The following CABLES1 variants were observed in gnomAD, a reference collection of about 807,000 sequenced individuals.
CABLES1 encodes CDK5 and ABL1 enzyme substrate 1.
A neutral mutation model predicts 57.8 loss-of-function variants in CABLES1; 36 were observed. The ratio of observed to expected loss-of-function variants is 0.62; its 90% CI spans 0.48 to 0.82. The LOEUF (loss-of-function observed/expected upper bound fraction) is 0.82. Ranked by LOEUF, CABLES1 falls within the 40% of genes least tolerant of loss-of-function variation. CABLES1 has a pLI of 0.00. For synonymous variants in CABLES1, 374 were observed against 363.0 expected (o/e 1.03, Z -0.35); for missense variants, 767 against 836.6 (o/e 0.92, Z 1.03).
rs2145153115 is a variant in CABLES1, at chr18:23,259,387, G to A, written c.*2020G>A. ...CGCCAGCCCAGACGTGGGGAGAGAA[G>A]CCTGAGTCCTTTCCTGTGTGATAAA... On this transcript the variant is annotated 3_prime_UTR_variant, in exon 10 of 10. Coordinates refer to ENST00000256925, the MANE Select transcript of CABLES1 (RefSeq NM_001100619.3). 6.6e-6 allele frequency: 1 copy of A among 152,294 alleles called. No individual in the cohort carries two copies. The highest frequency in any genetic ancestry group is 1.9e-4 in the East Asian group (1 of 5,186). The allele number at this position is 152,294 out of a possible 1,614,324, so 9.4% of individuals were successfully genotyped here. A position where few individuals can be genotyped will look rare whatever the true frequency, so the allele number is the denominator to read the frequency against.
intron 3 of CABLES1, among the ~76,000 whole-genome samples, chr18:23,198,822 C>T (rs1363016000): frequency 6.6e-6 from 1 of 152,226 alleles, no homozygotes; most frequent in African/African-American, 2.4e-5. Flanking sequence ...GTTTTAGCTC[C>T]ATGAGTCCCA....
rs2047070789 is a variant in CABLES1 at position 23,169,947 on chromosome 18, G to T, written c.846-18891G>T. ...GGCAGCCGGAGGGCAGGTGGCTCATGCTTGCCTGGACTTGGTGGGAGCTGT... is the reference window on the plus strand; with the variant it reads ...GGCAGCCGGAGGGCAGGTGGCTCATTCTTGCCTGGACTTGGTGGGAGCTGT... On this transcript the variant is annotated intron_variant, in intron 1 of 9. Transcript: ENST00000256925. Among the ~76,000 whole-genome samples the T allele has an allele frequency of 2.0e-5, 3 of 152,200 alleles. No individual in the cohort carries two copies. The South Asian group carries it at 6.2e-4, about 32-fold the overall frequency.
At chr18:23,218,074 T>C (rs1030272246) in intron 4 of CABLES1, among the ~76,000 whole-genome samples, 5 of 152,192 alleles carry the variant, frequency 3.3e-5, no homozygotes, top group African/African-American at 1.2e-4. Flanking sequence ...ACCCCACCGA[T>C]TAAGGGGCTA....
In CABLES1 at chr18:23,174,666, A is replaced by G. The variant is rs112799638; in HGVS notation, c.846-14172A>G. ...TTTTTGCATTTTTAGTAGAGACAGG[A>G]TTTCACCATGTTAGCCAGGATGGTG... On this transcript the variant is annotated intron_variant, in intron 1 of 9. Transcript: ENST00000256925. Among the ~76,000 whole-genome samples, 1,443 of 151,210 alleles carry G rather than the reference A, an allele frequency of 9.5e-3. 22 individuals carry two copies. Among genetic ancestry groups the G allele is most frequent in the African/African-American group, 0.033 (1,376 of 41,162 alleles).
intron 4 of CABLES1, among the ~76,000 whole-genome samples, chr18:23,229,549 CTA>C (rs1283443037): frequency 6.6e-6 from 1 of 152,218 alleles, no homozygotes; most frequent in Non-Finnish European, 1.5e-5. Flanking sequence ...TTCTCTAGCT[CTA>C]TTTCCTGGTG....
rs983332337 is a variant in CABLES1, at chr18:23,239,330, G to A, written c.1446+2085G>A. ...TCCATGCTATAGAGAATGGAATTGC[G>A]CATGGACTGCATTTTCCTGGTCGGC... On this transcript the variant is annotated intron_variant, in intron 7 of 9. Transcript: ENST00000256925. 5.9e-5 allele frequency among the ~76,000 whole-genome samples: 9 copies of A among 152,212 alleles called. 1 individual carries two copies. In the East Asian group the frequency reaches 1.5e-3, roughly 26 times the overall value.
intron 3 of CABLES1, among the ~76,000 whole-genome samples, chr18:23,208,491 G>T (rs2047380732): frequency 6.6e-6 from 1 of 152,208 alleles, no homozygotes; most frequent in African/African-American, 2.4e-5. Context: ...GAGGAGGAAG[G>T]AACGGCTGTG....
chr18:23,251,991 C>T (rs2048049417), intron 7 of CABLES1, among the ~76,000 whole-genome samples: 1 of 151,348 alleles, frequency 6.6e-6, no homozygotes, highest in Non-Finnish European at 1.5e-5. Flanking sequence ...GAAGCTGAGA[C>T]AGGAGAATCG....
intron 1 of CABLES1, among the ~76,000 whole-genome samples, chr18:23,143,887 TA>T (rs762886455): frequency 2.6e-5 from 4 of 152,226 alleles, no homozygotes; most frequent in Non-Finnish European, 5.9e-5. Context: ...CTGCCAGTCT[TA>T]AATTCCTGGT....
At chr18:23,208,711 G>C (rs1157414738) in intron 3 of CABLES1, among the ~76,000 whole-genome samples, 1 of 152,194 alleles carries the variant, frequency 6.6e-6, no homozygotes, top group Non-Finnish European at 1.5e-5. Context: ...CCTACAAGGT[G>C]CCACAAAACT....
At position 23,135,787 on chromosome 18, in the gene CABLES1, A is replaced by G. The variant is rs2046813976; in HGVS notation, c.25A>G (p.Thr9Ala). 6 of 907,838 alleles carry G rather than the reference A, an allele frequency of 6.6e-6. No homozygotes were observed. The South Asian group carries it at 3.1e-4, about 47-fold the overall frequency. The allele number at this position is 907,838 out of a possible 1,614,324, so 56.2% of individuals were successfully genotyped here. Residue 9 changes from threonine (T) to alanine (A), a missense_variant, in exon 1 of 10, where the codon ACC (threonine) becomes GCC (alanine). Around this residue, in one of 4 missense-constraint regions of CABLES1, gnomAD observed 198 missense variants for 149.7 expected, o/e 1.32. Transcript: ENST00000256925. ...AATGGCGGCGGCGGCGGCGGCCGCC[A>G]CCACGGCCGCCTGCAGCAGCGGCAG... MAAAAAAA[T>A]TAACSSGSAG...
chr18:23,225,496 T>A (rs1043551020), intron 4 of CABLES1, among the ~76,000 whole-genome samples: 2 of 152,300 alleles, frequency 1.3e-5, no homozygotes, highest in East Asian at 3.9e-4. Flanking sequence ...TTTGCTTTGA[T>A]CTTTCTTGCT....
At chr18:23,222,970 C>T (rs563882081) in intron 4 of CABLES1, among the ~76,000 whole-genome samples, 2 of 152,226 alleles carry the variant, frequency 1.3e-5, no homozygotes, top group East Asian at 1.9e-4. Flanking sequence ...TGACTCCCCC[C>T]GCATTAGCCT....
chr18:23,251,585 A>G (rs2048039369), intron 7 of CABLES1, among the ~76,000 whole-genome samples: 1 of 152,242 alleles, frequency 6.6e-6, no homozygotes, highest in Admixed American at 6.5e-5. Context: ...TTCACAGTGC[A>G]GGGTACAGAG....
At chr18:23,164,048 A>G (rs1299541816) in intron 1 of CABLES1, among the ~76,000 whole-genome samples, 3 of 152,140 alleles carry the variant, frequency 2.0e-5, no homozygotes, top group Non-Finnish European at 4.4e-5. Context: ...CAGGTTCCTA[A>G]CTACTGTGCC....
At chr18:23,218,018 C>T (rs1357744731) in intron 4 of CABLES1, among the ~76,000 whole-genome samples, 1 of 152,236 alleles carries the variant, frequency 6.6e-6, no homozygotes, top group Non-Finnish European at 1.5e-5. Flanking sequence ...CACATGGACC[C>T]AGCCACATGG....
chr18:23,136,353 C>G lies in CABLES1; in HGVS notation c.591C>G (p.Leu197=), dbSNP rs781756107. ...CCGCCTGTGCCCAACTGCAGCTGCT[C>G]GACGGGTCCGGGGCCGCCGGGCAGG... The part of the protein sequence containing the change: ...PLAACAQLQL[L]DGSGAAGQEE... Residue 197 remains leucine (L), a synonymous_variant, in exon 1 of 10, where the codon CTC becomes CTG. Coordinates refer to ENST00000256925, the MANE Select transcript of CABLES1 (RefSeq NM_001100619.3). 1 of 1,481,752 alleles carries G rather than the reference C, an allele frequency of 6.7e-7. No individual in the cohort carries two copies. The highest frequency in any genetic ancestry group is 1.5e-5 in the African/African-American group (1 of 68,574). 91.8% of individuals were successfully genotyped at this position (1,481,752 alleles called of 1,614,324 possible). A position where few individuals can be genotyped will look rare whatever the true frequency, so the allele number is the denominator to read the frequency against.
chr18:23,162,168 A>G (rs1395755476), intron 1 of CABLES1, among the ~76,000 whole-genome samples: 1 of 54,024 alleles, frequency 1.9e-5, no homozygotes, highest in Non-Finnish European at 3.6e-5. Context: ...CCTGTCTCAA[A>G]AAAAAAACAA....
At position 23,169,920 on chromosome 18, in the gene CABLES1, T is replaced by C. The variant is rs566494567; in HGVS notation, c.846-18918T>C. Among the ~76,000 whole-genome samples the C allele has an allele frequency of 2.2e-4, 34 of 152,164 alleles. No individual in the cohort carries two copies. In the South Asian group the frequency reaches 5.0e-3, roughly 22 times the overall value. On this transcript the variant is annotated intron_variant, in intron 1 of 9. Coordinates refer to ENST00000256925, the MANE Select transcript of CABLES1 (RefSeq NM_001100619.3). ...TGGAGTCCGCCACTGTGTGGGGTCA[T>C]GGGCAGCCGGAGGGCAGGTGGCTCA...
Sources: allele counts gnomAD v4.1 joint callset (sites outside exome capture counted in the v4.1 genomes callset), GRCh38; gene constraint gnomAD v4.1.1; regional missense constraint gnomAD v4.1.1; transcripts MANE v1.5; gene names NCBI Gene and HGNC (gene_info 2026-07-23, HGNC 2026-07-21).